FUT8: variants seen among roughly 807,000 people sequenced by gnomAD.
FUT8 encodes fucosyltransferase 8.
Under a neutral mutation model 71.3 loss-of-function variants are expected in FUT8, and 29 were observed. The ratio of observed to expected loss-of-function variants is 0.41; its 90% confidence interval spans 0.30 to 0.55. The LOEUF (loss-of-function observed/expected upper bound fraction) is 0.55. Among genes scored for constraint, FUT8 ranks in the 20% least tolerant of loss-of-function variants. The pLI, the probability that FUT8 is intolerant of heterozygous loss-of-function variation, is 0.34. For synonymous variants in FUT8, 254 were observed against 239.3 expected, an observed-to-expected ratio of 1.06 and a Z score of -0.57; for missense variants, 544 against 702.1, an observed-to-expected ratio of 0.77 and a Z score of 2.55.
the FUT8 span, among the ~76,000 whole-genome samples, chr14:65,364,188 A>T: frequency 7.0e-3 from 907 of 130,492 alleles, 36 homozygotes; most frequent in East Asian, 0.12. Flanking sequence ...AAAATGAGAT[A>T]ACAGATCCAA....
chr14:65,465,578 C>T (rs1326976692), intron 2 of FUT8, among the ~76,000 whole-genome samples: 1 of 152,212 alleles, frequency 6.6e-6, no homozygotes, highest in Non-Finnish European at 1.5e-5. Context: ...GCTGTTTAAA[C>T]ATCTCCAAAT....
chr14:65,735,329 A>G (rs1680306317), intron 10 of FUT8, among the ~76,000 whole-genome samples: 1 of 152,150 alleles, frequency 6.6e-6, no homozygotes, highest in Admixed American at 6.5e-5. Flanking sequence ...AATTCTGTCT[A>G]GGCTTGAGGA....
At chr14:65,735,914 T>A (rs1426725787) in intron 10 of FUT8, among the ~76,000 whole-genome samples, 1 of 152,142 alleles carries the variant, frequency 6.6e-6, no homozygotes, top group Non-Finnish European at 1.5e-5. Context: ...AAACCAAAAT[T>A]GGAATTGTTT....
intron 2 of FUT8, among the ~76,000 whole-genome samples, chr14:65,543,543 T>TA (rs531269053): frequency 0.015 from 2,320 of 152,030 alleles, 19 homozygotes; most frequent in South Asian, 0.024. Flanking sequence ...AGTGTTTTTT[T>TA]AAAAAAAACA....
intron 3 of FUT8, among the ~76,000 whole-genome samples, chr14:65,595,906 G>C (rs1468563392): frequency 6.6e-6 from 1 of 152,102 alleles, no homozygotes; most frequent in African/African-American, 2.4e-5. Flanking sequence ...ACCACGCGCG[G>C]CCCACACCAT....
At chr14:65,583,609 C>T (rs951125659) in intron 3 of FUT8, among the ~76,000 whole-genome samples, 6 of 149,540 alleles carry the variant, frequency 4.0e-5, no homozygotes, top group Admixed American at 6.7e-5. Flanking sequence ...GCAACATAAG[C>T]GACATTTAAT....
At chr14:65,512,645 T>C (rs1566793919) in intron 2 of FUT8, among the ~76,000 whole-genome samples, 1 of 152,106 alleles carries the variant, frequency 6.6e-6, no homozygotes, top group Non-Finnish European at 1.5e-5. Context: ...CTGTGGTGGC[T>C]CATGCCTGTA....
At chr14:65,507,689 GT>G (rs1399645945) in intron 2 of FUT8, among the ~76,000 whole-genome samples, 25 of 152,026 alleles carry the variant, frequency 1.6e-4, no homozygotes, top group Non-Finnish European at 1.5e-4. Flanking sequence ...CATTTTCTTT[GT>G]TCATTCGTCT....
chr14:65,475,274 A>G (rs568617443), intron 2 of FUT8, among the ~76,000 whole-genome samples: 2 of 152,304 alleles, frequency 1.3e-5, no homozygotes, highest in South Asian at 2.1e-4. Flanking sequence ...TTTCCTCTAT[A>G]ATAACATGTC....
the FUT8 span, among the ~76,000 whole-genome samples, chr14:65,370,523 T>C: frequency 6.6e-6 from 1 of 151,084 alleles, no homozygotes; most frequent in Admixed American, 6.6e-5. Flanking sequence ...TAGTCTTTTT[T>C]AAAACACATT....
the FUT8 span, among the ~76,000 whole-genome samples, chr14:65,388,658 A>G: frequency 6.6e-6 from 1 of 152,158 alleles, no homozygotes; most frequent in Non-Finnish European, 1.5e-5. Context: ...GCTACTCAGG[A>G]GGCTGAGGCA....
chr14:65,545,583 C>T (rs77468637), intron 2 of FUT8, among the ~76,000 whole-genome samples: 1 of 151,610 alleles, frequency 6.6e-6, no homozygotes. Context: ...TCAGTTTATT[C>T]TATTATGTTG....
At chr14:65,403,738 ATTTTT>A in the FUT8 span, among the ~76,000 whole-genome samples, 1 of 143,168 alleles carries the variant, frequency 7.0e-6, no homozygotes, top group Non-Finnish European at 1.5e-5. Flanking sequence ...ATAGTGGTTA[ATTTTT>A]TTTTTTTTTT....
intron 6 of FUT8, among the ~76,000 whole-genome samples, chr14:65,629,916 T>C (rs1399940462): frequency 1.3e-5 from 2 of 152,080 alleles, no homozygotes; most frequent in South Asian, 4.1e-4. Context: ...GAAATGCTTA[T>C]TGGAGTTTTG....
At chr14:65,626,455 A>G (rs923714370) in intron 5 of FUT8, among the ~76,000 whole-genome samples, 2 of 152,202 alleles carry the variant, frequency 1.3e-5, no homozygotes, top group African/African-American at 4.8e-5. Context: ...AGGAGAGGAC[A>G]CATTATTGTG....
chr14:65,559,885 A>G (rs1228676815), intron 2 of FUT8, among the ~76,000 whole-genome samples: 1 of 152,166 alleles, frequency 6.6e-6, no homozygotes, highest in Admixed American at 6.6e-5. Flanking sequence ...AAGAATAGTT[A>G]TTAAAACAAC....
At chr14:65,434,484 TAGATGTTGTTAACC>T (rs2065525498) in intron 1 of FUT8, among the ~76,000 whole-genome samples, 1 of 152,176 alleles carries the variant, frequency 6.6e-6, no homozygotes, top group South Asian at 2.1e-4. Context: ...CCCCAGAGGA[TAGATGTTGTTAACC>T]AGAGAAATAG....
the FUT8 span, among the ~76,000 whole-genome samples, chr14:65,378,755 C>T: frequency 1.3e-5 from 2 of 148,422 alleles, no homozygotes; most frequent in Non-Finnish European, 3.0e-5. Context: ...GTGACCCTTA[C>T]AGCATCAAAA....
At chr14:65,503,788 A>C (rs1424229735) in intron 2 of FUT8, among the ~76,000 whole-genome samples, 1 of 152,192 alleles carries the variant, frequency 6.6e-6, no homozygotes, top group Non-Finnish European at 1.5e-5. Context: ...AATGTGTCTC[A>C]CAATTAGCTG....
Sources: gnomAD v4.1 joint callset for allele counts (sites outside exome capture counted in the v4.1 genomes callset) on GRCh38, gnomAD v4.1.1 for gene constraint, MANE v1.5 for transcripts, NCBI Gene and HGNC (gene_info 2026-07-23, HGNC 2026-07-21) for gene names.